TGFB1: variants seen among roughly 807,000 people sequenced by gnomAD.
The protein encoded by TGFB1 is transforming growth factor beta-1 proprotein.
In TGFB1, 19 loss-of-function variants were observed where a neutral mutation model predicts 43.8. That is an observed-to-expected ratio of 0.43 (90% confidence interval 0.30 to 0.64). The LOEUF is 0.64. Ranked by LOEUF, TGFB1 falls within the 30% of genes least tolerant of loss-of-function variation. The probability of loss-of-function intolerance (pLI) is 0.11; values close to 1 mark genes in which losing one functional copy is unlikely to be tolerated. For missense variants in TGFB1, 445 were observed against 529.8 expected (o/e 0.84, Z 1.57); for synonymous variants, 221 against 236.3 (o/e 0.94, Z 0.60).
intron 5 of TGFB1, among the ~76,000 whole-genome samples, chr19:41,334,455 G>A (rs2037968361): frequency 1.5e-5 from 2 of 130,156 alleles, no homozygotes; most frequent in Non-Finnish European, 3.2e-5. Flanking sequence ...TTGAGACAGA[G>A]TCTTGCTCCG....
At chr19:41,336,411 A>ATTTTTTTTTTTTT (rs2037989198) in intron 5 of TGFB1, among the ~76,000 whole-genome samples, 1 of 132,746 alleles carries the variant, frequency 7.5e-6, no homozygotes, top group African/African-American at 2.9e-5. Context: ...TTGAGACAGG[A>ATTTTTTTTTTTTT]TCTCACTCTG....
At chr19:41,349,946 A>C (rs975177792) in intron 1 of TGFB1, among the ~76,000 whole-genome samples, 8 of 151,806 alleles carry the variant, frequency 5.3e-5, no homozygotes, top group Non-Finnish European at 1.0e-4. Context: ...ACTGGGATTC[A>C]AACTCAAGCT....
chr19:41,349,443 GTCAC>G (rs1286915335), intron 1 of TGFB1, among the ~76,000 whole-genome samples: 2 of 152,142 alleles, frequency 1.3e-5, no homozygotes, highest in African/African-American at 4.8e-5. Flanking sequence ...GCATACACTG[GTCAC>G]TCAATCATGT....
At chr19:41,348,963 G>T (rs891274790) in intron 1 of TGFB1, among the ~76,000 whole-genome samples, 2 of 151,942 alleles carry the variant, frequency 1.3e-5, no homozygotes, top group African/African-American at 4.8e-5. Context: ...TGAGGAAGTG[G>T]TTTCTCCCCC....
In TGFB1 at chr19:41,353,733, G is replaced by C. The variant is rs1322012936; in HGVS notation, c.-689C>G. 1 of 152,790 alleles carries C rather than the reference G, an allele frequency of 6.5e-6. No homozygotes were observed. The highest frequency in any genetic ancestry group is 1.5e-5 in the Non-Finnish European group (1 of 68,758). The allele number at this position is 152,790 out of a possible 1,614,324, so 9.5% of individuals were successfully genotyped here. ...GGCGGCGGCTCGTCTCAGACTCTGG[G>C]GCCTCAGGCTGCTCCTCGGCGACTC... On this transcript the variant is annotated 5_prime_UTR_variant, in exon 1 of 7. Transcript: ENST00000221930. The surrounding 1 kb of genome is among the most constrained non-coding windows in gnomAD (Gnocchi z 5.9).
At chr19:41,334,393 G>GAAAGA (rs889750542) in intron 5 of TGFB1, among the ~76,000 whole-genome samples, 1 of 137,160 alleles carries the variant, frequency 7.3e-6, no homozygotes, top group Non-Finnish European at 1.6e-5. Context: ...AAAGAAAAAA[G>GAAAGA]AAAGAAAAGA....
chr19:41,342,578 G>C (rs2038071528), intron 3 of TGFB1, among the ~76,000 whole-genome samples: 2 of 148,534 alleles, frequency 1.3e-5, no homozygotes, highest in Admixed American at 1.3e-4. Context: ...TCAGTGGCGT[G>C]ATATCAGCTC....
chr19:41,340,413 C>T (rs1159101326), intron 5 of TGFB1, among the ~76,000 whole-genome samples: 1 of 151,866 alleles, frequency 6.6e-6, no homozygotes, highest in East Asian at 1.9e-4. Flanking sequence ...AGCCGAGTAG[C>T]TGGGATTACA....
Position 41,332,141 on chromosome 19 carries a change from G to A in TGFB1, c.1001C>T (p.Thr334Met), listed in dbSNP as rs753287325. The A allele has an allele frequency of 1.2e-5, 20 of 1,613,772 alleles. No homozygotes were observed. Among genetic ancestry groups the A allele is most frequent in the African/African-American group, 2.7e-5 (2 of 74,900 alleles). Residue 334 changes from threonine (T) to methionine (M), a missense_variant, in exon 6 of 7, where the codon ACG becomes ATG. Coordinates refer to ENST00000221930, the MANE Select transcript of TGFB1 (RefSeq NM_000660.7). ...GGCCAGACGTACCTTGCTGTACTGC[G>A]TGTCCAGGCTCCAAATGTAGGGGCA... ...GPCPYIWSLD[T>M]QYSKVLALYN...
chr19:41,352,221 A>C (rs539622414), intron 1 of TGFB1, among the ~76,000 whole-genome samples: 1 of 151,124 alleles, frequency 6.6e-6, no homozygotes, highest in East Asian at 2.0e-4. Context: ...TCCTTCTTGA[A>C]TCTTTCCACC....
intron 3 of TGFB1, among the ~76,000 whole-genome samples, chr19:41,344,332 C>T (rs542414793): frequency 7.4e-4 from 112 of 152,182 alleles, no homozygotes; most frequent in African/African-American, 2.5e-3. Context: ...CTACTCATCC[C>T]TTCAACATCA....
At chr19:41,352,609 A>T in intron 1 of TGFB1, 81 bp downstream of exon 1, 5 of 1,511,170 alleles carry the variant, frequency 3.3e-6, no homozygotes, top group Non-Finnish European at 4.5e-6. Flanking sequence ...TTCTTCTGCC[A>T]GTCACTTCCT....
chr19:41,347,068 G>A (rs1437739924), intron 2 of TGFB1, among the ~76,000 whole-genome samples: 1 of 151,968 alleles, frequency 6.6e-6, no homozygotes, highest in Non-Finnish European at 1.5e-5. Flanking sequence ...CATCACCCAG[G>A]CTGGAATGCA....
intron 3 of TGFB1, 105 bp downstream of exon 3, chr19:41,344,640 TCA>T: frequency 9.7e-7 from 1 of 1,028,896 alleles, no homozygotes; most frequent in Non-Finnish European, 1.5e-6. Context: ...CTCAGCACTT[TCA>T]CACCAGTATG....
chr19:41,352,050 C>T (rs1369646434), intron 1 of TGFB1, among the ~76,000 whole-genome samples: 2 of 152,088 alleles, frequency 1.3e-5, no homozygotes, highest in Non-Finnish European at 2.9e-5. Context: ...CTTCCAATAA[C>T]CTCCCGTCCC....
rs3061188 is a variant in TGFB1, at chr19:41,340,251, C to CT, written c.860+1631dup. ...AGAGGTTCAAACTGACACTTTCTTT[C>CT]TTTTTTTTTTTTTTTTTTTTTTTTA... On this transcript the variant is annotated intron_variant, in intron 5 of 6. Transcript: ENST00000221930. Among the ~76,000 whole-genome samples, 528 of 125,190 alleles carry CT rather than the reference C, an allele frequency of 4.2e-3. 2 individuals are homozygous for CT. The highest frequency in any genetic ancestry group is 9.1e-3 in the African/African-American group (288 of 31,644). The allele number at this position is 125,190 out of a possible 152,430, so 82.1% of individuals were successfully genotyped here. A position where few individuals can be genotyped will look rare whatever the true frequency, so the allele number is the denominator to read the frequency against.
intron 5 of TGFB1, 57 bp from the exon 6 acceptor site, chr19:41,332,338 A>T: frequency 6.3e-7 from 1 of 1,575,890 alleles, no homozygotes; most frequent in Non-Finnish European, 8.6e-7. Flanking sequence ...TAGAAGCCAC[A>T]TGCCCCTCCT....
At position 41,342,106 on chromosome 19, in the gene TGFB1, G is replaced by A. The variant is rs570538520; in HGVS notation, c.712+64C>T. Reference sequence around the variant, plus strand: ...GAGGGATAGATAAGTGGGGCGTGGGGCAGATGGGAACACACACACGCACAC... The same window carrying A: ...GAGGGATAGATAAGTGGGGCGTGGGACAGATGGGAACACACACACGCACAC... On this transcript the variant is annotated intron_variant, in intron 4 of 6. Transcript: ENST00000221930. 15 of 1,612,666 alleles carry A rather than the reference G, an allele frequency of 9.3e-6. No individual in the cohort carries two copies. The East Asian group carries it at 2.9e-4, about 31-fold the overall frequency.
chr19:41,337,330 G>A (rs1318489502), intron 5 of TGFB1, among the ~76,000 whole-genome samples: 2 of 151,988 alleles, frequency 1.3e-5, no homozygotes, highest in Admixed American at 6.6e-5. Context: ...TAGTAGAGAG[G>A]AGGTTTCACC....
Sources: gnomAD v4.1 joint callset for allele counts (sites outside exome capture counted in the v4.1 genomes callset) on GRCh38, gnomAD v4.1.1 for gene constraint, Gnocchi (gnomAD v3.1) non-coding constraint, MANE v1.5 for transcripts, NCBI Gene and HGNC (gene_info 2026-07-23, HGNC 2026-07-21) for gene names.